Variants in KIF5A observed in about 807,000 individuals in gnomAD.
KIF5A encodes the protein kinesin family member 5A.
A neutral mutation model predicts 141.3 loss-of-function variants in KIF5A; 35 were observed. The observed-to-expected ratio is 0.25, with a 90% CI of 0.19 to 0.33. The LOEUF (loss-of-function observed/expected upper bound fraction) is 0.33. Ranked by LOEUF, KIF5A falls within the 10% of genes least tolerant of loss-of-function variation. KIF5A has a pLI of 1.00. For synonymous variants in KIF5A, 448 were observed against 500.2 expected (o/e 0.90, Z 1.39); for missense variants, 861 against 1,314.3 (o/e 0.66, Z 5.33).
At chr12:57,558,896 C>T (rs937640037) in intron 1 of KIF5A, among the ~76,000 whole-genome samples, 1 of 152,132 alleles carries the variant, frequency 6.6e-6, no homozygotes, top group Non-Finnish European at 1.5e-5. Flanking sequence ...CTGCCTCAGC[C>T]TGCTGAGTAG....
chr12:57,564,690 C>G (rs550768372), intron 5 of KIF5A, among the ~76,000 whole-genome samples, 182 bp downstream of exon 5: 1 of 152,148 alleles, frequency 6.6e-6, no homozygotes, highest in Non-Finnish European at 1.5e-5. Flanking sequence ...AGCTTAGCAG[C>G]CAAGGACTAC....
chr12:57,558,385 C>A (rs561703212), intron 1 of KIF5A, among the ~76,000 whole-genome samples: 1 of 151,378 alleles, frequency 6.6e-6, no homozygotes, highest in South Asian at 2.1e-4. Context: ...ACTAAAAATA[C>A]AAAAATTAGG....
intron 6 of KIF5A, among the ~76,000 whole-genome samples, chr12:57,566,158 G>T (rs1319827946): frequency 4.6e-5 from 7 of 151,840 alleles, no homozygotes; most frequent in Non-Finnish European, 1.0e-4. Context: ...AGGCTGTAGT[G>T]CAATGGCATG....
intron 1 of KIF5A, among the ~76,000 whole-genome samples, chr12:57,558,297 T>C (rs112473782): frequency 0.016 from 2,438 of 151,602 alleles, 57 homozygotes; most frequent in African/African-American, 0.056. Context: ...ATCCCAGCAC[T>C]TTGGGAGGCT....
rs2140174450 is a variant in KIF5A at position 57,585,215 on chromosome 12, G to T, written c.*1034G>T. ...CCTCCCATCTCCACCCCTTGGTTTG[G>T]GGGCTTCCAGCTCATTGGCAAAATC... On this transcript the variant is annotated 3_prime_UTR_variant, in exon 29 of 29. Transcript: ENST00000455537. The T allele has an allele frequency of 6.5e-6, 1 of 154,408 alleles. No homozygotes were observed. The highest frequency in any genetic ancestry group is 1.5e-5 in the Non-Finnish European group (1 of 68,204). The allele number at this position is 154,408 out of a possible 1,614,324, so 9.6% of individuals were successfully genotyped here. A position where few individuals can be genotyped will look rare whatever the true frequency, so the allele number is the denominator to read the frequency against.
In KIF5A at chr12:57,563,460, C is replaced by T. The variant is rs769763596; in HGVS notation, c.151C>T (p.Arg51Cys). The part of the protein sequence containing the change: ...VIGGKPYVFD[R>C]VFPPNTTQEQ... ...CCAGGGGAAGCCATATGTTTTTGAC[C>T]GTGTATTCCCCCCAAACACGACTCA... Residue 51 changes from arginine to cysteine, a missense_variant, in exon 2 of 29, where the codon CGT becomes TGT. Physicochemically the swap from Arg to Cys is radical, Grantham distance 180. Transcript: ENST00000455537. 8 of 1,612,732 alleles carry T rather than the reference C, an allele frequency of 5.0e-6. No homozygotes were observed. The highest frequency in any genetic ancestry group is 2.2e-5 in the South Asian group (2 of 91,064).
In KIF5A at chr12:57,564,098, C is replaced by T. The variant is rs745903412; in HGVS notation, c.292-10C>T. 4 of 1,605,976 alleles carry T rather than the reference C, an allele frequency of 2.5e-6. No homozygotes were observed. The highest frequency in any genetic ancestry group is 3.4e-6 in the Non-Finnish European group (4 of 1,172,644). Reference sequence around the variant, plus strand: ...CCCCAGCTTCACTCTCAAATACCTTCACTCGCCAGGGAAAGCTGCACGACC... The same window carrying T: ...CCCCAGCTTCACTCTCAAATACCTTTACTCGCCAGGGAAAGCTGCACGACC... On this transcript the variant is annotated splice_polypyrimidine_tract_variant and intron_variant, in intron 3 of 28. Coordinates refer to ENST00000455537, the MANE Select transcript of KIF5A (RefSeq NM_004984.4).
intron 1 of KIF5A, among the ~76,000 whole-genome samples, chr12:57,557,816 T>C (rs1881791668): frequency 2.0e-5 from 3 of 152,088 alleles, no homozygotes; most frequent in Admixed American, 2.0e-4. Flanking sequence ...CTCAGCTTCC[T>C]GAGTAGCTAG....
intron 1 of KIF5A, among the ~76,000 whole-genome samples, chr12:57,562,200 T>C (rs1881927238): frequency 6.6e-6 from 1 of 152,226 alleles, no homozygotes; most frequent in Non-Finnish European, 1.5e-5. Flanking sequence ...GATTTGTAAG[T>C]CTGAATGATT....
chr12:57,563,854 G>A (rs1881984317), intron 3 of KIF5A, among the ~76,000 whole-genome samples, 161 bp downstream of exon 3: 1 of 152,124 alleles, frequency 6.6e-6, no homozygotes, highest in Non-Finnish European at 1.5e-5. Flanking sequence ...AAGTTTAATG[G>A]AATCCCTCCA....
rs1440531866 is a variant in KIF5A, at chr12:57,582,191, C to T, written c.2992+239C>T. 2.0e-5 allele frequency among the ~76,000 whole-genome samples: 3 copies of T among 152,148 alleles called. No homozygotes were observed. The South Asian group carries it at 6.2e-4, about 32-fold the overall frequency. On this transcript the variant is annotated intron_variant, in intron 26 of 28. Transcript: ENST00000455537. Reference sequence around the variant, plus strand: ...CTCAGGAGCTTAAGGCTGAAGTGCACTGTGAATACACCTGTGAATAGCCAC... The same window carrying T: ...CTCAGGAGCTTAAGGCTGAAGTGCATTGTGAATACACCTGTGAATAGCCAC...
intron 1 of KIF5A, among the ~76,000 whole-genome samples, chr12:57,552,860 T>G (rs1217411970): frequency 6.6e-6 from 1 of 152,104 alleles, no homozygotes; most frequent in Non-Finnish European, 1.5e-5. Context: ...CCTTCGCCTC[T>G]GCAGCACTGC....
intron 1 of KIF5A, among the ~76,000 whole-genome samples, chr12:57,555,775 G>A (rs1027468467): frequency 6.6e-6 from 1 of 150,494 alleles, no homozygotes; most frequent in African/African-American, 2.4e-5. Context: ...CGGGCGTGGT[G>A]GTGGGCGCCT....
chr12:57,565,339 T>G (rs1482199589), intron 6 of KIF5A, among the ~76,000 whole-genome samples: 2 of 152,086 alleles, frequency 1.3e-5, no homozygotes, highest in Non-Finnish European at 2.9e-5. Flanking sequence ...GAGAATCTCT[T>G]GAACCTGGGA....
intron 1 of KIF5A, among the ~76,000 whole-genome samples, chr12:57,558,652 C>T (rs1237857089): frequency 5.3e-5 from 8 of 152,168 alleles, no homozygotes; most frequent in Non-Finnish European, 7.3e-5. Context: ...CCAGCTTGGG[C>T]GACAGAGCAA....
At chr12:57,583,840 C>A (rs540978661) in intron 28 of KIF5A, among the ~76,000 whole-genome samples, 182 of 152,322 alleles carry the variant, frequency 1.2e-3, no homozygotes, top group Middle Eastern at 3.4e-3. Context: ...AGCACAGGAA[C>A]CTTCTTTGTT....
intron 1 of KIF5A, among the ~76,000 whole-genome samples, chr12:57,553,594 C>G (rs1881643850): frequency 6.6e-6 from 1 of 152,088 alleles, no homozygotes; most frequent in Non-Finnish European, 1.5e-5. Flanking sequence ...GGAAATCAGG[C>G]CTGGCACTTG....
chr12:57,566,911 A>C (rs1882081772), intron 6 of KIF5A, among the ~76,000 whole-genome samples: 1 of 151,850 alleles, frequency 6.6e-6, no homozygotes, highest in South Asian at 2.1e-4. Context: ...GTGTTGGCTC[A>C]TGCCTGTAAT....
Position 57,574,995 on chromosome 12 carries a change from G to T in KIF5A, c.1717-89G>T. ...ATCCCATTTGAGTCCCTGCGTATGT[G>T]GGTGTGTATGGGTAGGTAGAAGGTG... is the stretch of plus-strand genomic sequence containing the variant. On this transcript the variant is annotated intron_variant, in intron 15 of 28. Coordinates refer to ENST00000455537, the MANE Select transcript of KIF5A (RefSeq NM_004984.4). The T allele has an allele frequency of 2.6e-6, 3 of 1,159,060 alleles. No homozygotes were observed. In the Admixed American group the frequency reaches 5.3e-5, roughly 20 times the overall value. 71.8% of individuals were successfully genotyped at this position (1,159,060 alleles called of 1,614,324 possible). A position where few individuals can be genotyped will look rare whatever the true frequency, so the allele number is the denominator to read the frequency against.
Sources: gnomAD v4.1 joint callset for allele counts (sites outside exome capture counted in the v4.1 genomes callset) on GRCh38, gnomAD v4.1.1 for gene constraint, MANE v1.5 for transcripts, NCBI Gene and HGNC (gene_info 2026-07-23, HGNC 2026-07-21) for gene names.